The following TAX1BP1 variants were observed in gnomAD, a reference collection of about 807,000 sequenced individuals.
The protein encoded by TAX1BP1 is Tax1 binding protein 1, also known as tax1-binding protein 1.
A neutral mutation model predicts 97.7 loss-of-function variants in TAX1BP1; 62 were observed. The observed-to-expected ratio is 0.63, with a 90% CI of 0.52 to 0.78. The LOEUF is 0.78. Ranked by LOEUF, TAX1BP1 falls within the 30% of genes least tolerant of loss-of-function variation. The pLI, the probability that TAX1BP1 is intolerant of heterozygous loss-of-function variation, is 0.00. For synonymous variants in TAX1BP1, 340 were observed against 304.2 expected, an observed-to-expected ratio of 1.12 and a Z score of -1.23; for missense variants, 867 against 916.1, an observed-to-expected ratio of 0.95 and a Z score of 0.69.
At position 27,792,069 on chromosome 7, in the gene TAX1BP1, C is replaced by G. The variant is rs1789732506; in HGVS notation, c.1102C>G (p.Gln368Glu). Reference protein sequence around the residue: ...KAEEQVQATRQEVVFLAKELS... With the variant: ...KAEEQVQATREEVVFLAKELS... Reference sequence around the variant, plus strand: ...AGAGGAACAGGTTCAGGCAACTCGGCAAGAAGTTGTCTTTCTGGCTAAAGA... The same window carrying G: ...AGAGGAACAGGTTCAGGCAACTCGGGAAGAAGTTGTCTTTCTGGCTAAAGA... The change falls in exon 9 of 17, where the codon CAA becomes GAA. Residue 368 changes from glutamine (Q) to glutamate (E), a missense_variant. Coordinates refer to ENST00000396319, the MANE Select transcript of TAX1BP1 (RefSeq NM_006024.7). 1 of 1,614,044 alleles carries G rather than the reference C, an allele frequency of 6.2e-7. No homozygotes were observed. The highest frequency in any genetic ancestry group is 2.2e-5 in the East Asian group (1 of 44,880).
intron 1 of TAX1BP1, among the ~76,000 whole-genome samples, chr7:27,746,217 C>G (rs1469377685): frequency 1.3e-5 from 2 of 152,050 alleles, no homozygotes; most frequent in East Asian, 3.9e-4. Flanking sequence ...TTATTTCCTT[C>G]TTACTGAATA....
intron 12 of TAX1BP1, 43 bp from the exon 13 acceptor site, chr7:27,799,922 C>T: frequency 1.3e-6 from 2 of 1,503,926 alleles, no homozygotes; most frequent in Non-Finnish European, 1.8e-6. Context: ...TTTCACTCTA[C>T]ATGAATTTAA....
chr7:27,769,956 T>C, intron 5 of TAX1BP1, 122 bp downstream of exon 5: 1 of 851,864 alleles, frequency 1.2e-6, no homozygotes, highest in Non-Finnish European at 1.8e-6. Context: ...GCCTTTTAGA[T>C]AGACGTTTAT....
chr7:27,775,399 T>C (rs905276686), intron 5 of TAX1BP1, among the ~76,000 whole-genome samples: 1 of 152,178 alleles, frequency 6.6e-6, no homozygotes, highest in South Asian at 2.1e-4. Flanking sequence ...TGAAGGATCA[T>C]ATGTATTAAA....
chr7:27,819,685 G>T (rs920362869), intron 15 of TAX1BP1, among the ~76,000 whole-genome samples: 1 of 152,140 alleles, frequency 6.6e-6, no homozygotes, highest in African/African-American at 2.4e-5. Context: ...CTTACAGTGG[G>T]TTCATTGGAA....
chr7:27,782,905 G>T (rs1339982941), intron 5 of TAX1BP1, among the ~76,000 whole-genome samples: 3 of 152,042 alleles, frequency 2.0e-5, no homozygotes, highest in Non-Finnish European at 4.4e-5. Context: ...TTTAACATGA[G>T]AATAAATGTG....
At chr7:27,798,847 C>T (rs1307673440) in intron 12 of TAX1BP1, among the ~76,000 whole-genome samples, 1 of 147,804 alleles carries the variant, frequency 6.8e-6, no homozygotes, top group South Asian at 2.1e-4. Context: ...TGTGAGTGGT[C>T]GAATCTTTTT....
At chr7:27,776,841 TTC>T (rs993858890) in intron 5 of TAX1BP1, among the ~76,000 whole-genome samples, 1 of 151,874 alleles carries the variant, frequency 6.6e-6, no homozygotes, top group South Asian at 2.1e-4. Flanking sequence ...TAAGTCCCTT[TTC>T]TCTCTGTTTC....
Position 27,765,835 on chromosome 7 carries a change from A to T in TAX1BP1, c.267A>T (p.Gly89=). The change falls in exon 4 of 17, where the codon GGA becomes GGT. Residue 89 remains glycine, a splice_region_variant and synonymous_variant. Coordinates refer to ENST00000396319, the MANE Select transcript of TAX1BP1 (RefSeq NM_006024.7). The part of the protein sequence containing the change: ...STVNCVLAFQ[G]YYLPNDDGEF... ...TTTTGTTTGTTAACTTCCTCTTAGG[A>T]TATTACCTTCCAAATGATGATGGAG... 6.2e-7 allele frequency: 1 copy of T among 1,612,754 alleles called. No individual in the cohort carries two copies. The highest frequency in any genetic ancestry group is 8.5e-7 in the Non-Finnish European group (1 of 1,178,992).
At position 27,794,455 on chromosome 7, in the gene TAX1BP1, C is replaced by G; in HGVS notation, c.1534+9C>G. On this transcript the variant is annotated intron_variant, in intron 11 of 16. Coordinates refer to ENST00000396319, the MANE Select transcript of TAX1BP1 (RefSeq NM_006024.7). ...GCCATCACCTTCTGCAGGTAAAAAT[C>G]TTTTAGACTTTTTGTGTAGGGTGTC... is the stretch of plus-strand genomic sequence containing the variant. 4 of 1,597,032 alleles carry G rather than the reference C, an allele frequency of 2.5e-6. No individual in the cohort carries two copies. The highest frequency in any genetic ancestry group is 3.4e-6 in the Non-Finnish European group (4 of 1,172,058).
At chr7:27,794,580 G>C in intron 11 of TAX1BP1, 134 bp downstream of exon 11, 2 of 886,928 alleles carry the variant, frequency 2.3e-6, no homozygotes, top group African/African-American at 3.4e-5. Flanking sequence ...GAGGCAACAA[G>C]AAAATAAGGG....
chr7:27,817,740 C>T (rs1252890720), intron 15 of TAX1BP1, among the ~76,000 whole-genome samples: 1 of 152,078 alleles, frequency 6.6e-6, no homozygotes, highest in African/African-American at 2.4e-5. Context: ...ATAATATGTT[C>T]TTTTCTTCAT....
chr7:27,793,047 A>G lies in TAX1BP1; in HGVS notation c.1264-19A>G, dbSNP rs772172080. The G allele has an allele frequency of 2.1e-5, 33 of 1,570,914 alleles. No homozygotes were observed. In the East Asian group the frequency reaches 6.7e-4, roughly 32 times the overall value. ...TATCAGATTTTTATTTTTTTCTTCA[A>G]ATGTTTGTTTCTTTCTAGGACAAGA... On this transcript the variant is annotated intron_variant, in intron 9 of 16. Coordinates refer to ENST00000396319, the MANE Select transcript of TAX1BP1 (RefSeq NM_006024.7).
Position 27,760,468 on chromosome 7 carries a change from T to C in TAX1BP1, c.265+2335T>C, listed in dbSNP as rs562918787. Among the ~76,000 whole-genome samples, 233 of 151,230 alleles carry C rather than the reference T, an allele frequency of 1.5e-3. 1 individual carries two copies. The highest frequency in any genetic ancestry group is 5.4e-3 in the African/African-American group (222 of 41,304). ...AGTGCAGTGGCGCGATCTCGGCTCA[T>C]TGCAAGCTCCGCCTCCTTAGTTTTC... is the stretch of plus-strand genomic sequence containing the variant. On this transcript the variant is annotated intron_variant, in intron 3 of 16. Coordinates refer to ENST00000396319, the MANE Select transcript of TAX1BP1 (RefSeq NM_006024.7).
chr7:27,802,414 G>A (rs1790176212), intron 13 of TAX1BP1, among the ~76,000 whole-genome samples: 2 of 152,174 alleles, frequency 1.3e-5, no homozygotes, highest in African/African-American at 2.4e-5. Context: ...AGAGAAAGCT[G>A]TGAAAGACAT....
chr7:27,779,770 G>A (rs1789183138), intron 5 of TAX1BP1, among the ~76,000 whole-genome samples: 2 of 152,184 alleles, frequency 1.3e-5, no homozygotes, highest in Admixed American at 1.3e-4. Flanking sequence ...TGCTTTGCAT[G>A]ATTATTCGGG....
At chr7:27,824,269 C>A (rs1042709816) in intron 15 of TAX1BP1, among the ~76,000 whole-genome samples, 1 of 152,054 alleles carries the variant, frequency 6.6e-6, no homozygotes, top group Non-Finnish European at 1.5e-5. Context: ...TTATAACCCC[C>A]TTTACCATCA....
In TAX1BP1 at chr7:27,787,548, G is replaced by C; in HGVS notation, c.983G>C (p.Cys328Ser). 3 of 1,613,270 alleles carry C rather than the reference G, an allele frequency of 1.9e-6. No individual in the cohort carries two copies. Among genetic ancestry groups the C allele is most frequent in the Non-Finnish European group, 2.5e-6 (3 of 1,179,624 alleles). The stretch of plus-strand genomic sequence containing the variant: ...GAAGAGATTGGCAGGCTGCAGTTAT[G>C]TTTGGCTGAAAAGGAAAATCTGCAA... ...FKEEIGRLQL[C>S]LAEKENLQRT... The change falls in exon 8 of 17, where the codon TGT becomes TCT. Residue 328 changes from cysteine (C) to serine (S), a missense_variant. Coordinates refer to ENST00000396319, the MANE Select transcript of TAX1BP1 (RefSeq NM_006024.7).
intron 15 of TAX1BP1, among the ~76,000 whole-genome samples, chr7:27,818,515 T>C (rs1790861901): frequency 6.6e-6 from 1 of 152,102 alleles, no homozygotes; most frequent in Admixed American, 6.6e-5. Flanking sequence ...TGGGAGTGAT[T>C]AATAGCCACA....
Sources: allele counts gnomAD v4.1 joint callset (sites outside exome capture counted in the v4.1 genomes callset), GRCh38; gene constraint gnomAD v4.1.1; transcripts MANE v1.5; gene names NCBI Gene and HGNC (gene_info 2026-07-23, HGNC 2026-07-21).